TBC1D2: variants seen among roughly 807,000 people sequenced by gnomAD.
TBC1D2 encodes the protein TBC1 domain family member 2A.
TBC1D2 carries 58 observed loss-of-function variants against 91.1 expected under a neutral mutation model. That is an observed-to-expected ratio of 0.64 (90% CI 0.52 to 0.79). TBC1D2 has a LOEUF of 0.79. Among genes scored for constraint, TBC1D2 ranks in the 30% least tolerant of loss-of-function variants. The pLI is 0.00. For synonymous variants in TBC1D2, 482 were observed against 511.5 expected (o/e 0.94, Z 0.78); for missense variants, 1,080 against 1,208.3 (o/e 0.89, Z 1.57).
In TBC1D2 at chr9:98,228,631, A is replaced by C. The variant is rs564422372; in HGVS notation, c.978+321T>G. Among the ~76,000 whole-genome samples the C allele has an allele frequency of 7.3e-4, 111 of 152,246 alleles. No individual in the cohort carries two copies. Among genetic ancestry groups the C allele is most frequent in the African/African-American group, 2.6e-3 (106 of 41,540 alleles). ...CAGCCCCTCCCATGACCCTGCATCC[A>C]GATCACCTGCCTCTAAATAATGTCA... On this transcript the variant is annotated intron_variant, in intron 5 of 12. Coordinates refer to ENST00000465784, the MANE Select transcript of TBC1D2 (RefSeq NM_001267571.2). This position sits in a 1 kb window ranked among gnomAD's most constrained non-coding sequence, Gnocchi z 4.0.
Position 98,221,151 on chromosome 9 carries a change from C to A in TBC1D2, c.1056G>T (p.Ala352=), listed in dbSNP as rs1258099806. The A allele has an allele frequency of 6.3e-7, 1 of 1,577,304 alleles. No individual in the cohort carries two copies. Residue 352 remains alanine (A), a synonymous_variant, in exon 6 of 13, where the codon GCG becomes GCT. Coordinates refer to ENST00000465784, the MANE Select transcript of TBC1D2 (RefSeq NM_001267571.2). ...EKRASSAYLA[A]AEDKDRLELV... is the part of the protein sequence containing the mutation. Reference sequence around the variant, plus strand: ...GCTCCAGCCGGTCCTTGTCCTCAGCCGCCGCCAGGTATGCGCTGGACGCCC... The same window carrying A: ...GCTCCAGCCGGTCCTTGTCCTCAGCAGCCGCCAGGTATGCGCTGGACGCCC...
chr9:98,235,202 T>G, intron 3 of TBC1D2: 1 of 284,284 alleles, frequency 3.5e-6, no homozygotes, highest in Non-Finnish European at 7.0e-6. Flanking sequence ...AGACTCCATT[T>G]CAAAAAAAAA....
intron 1 of TBC1D2, among the ~76,000 whole-genome samples, chr9:98,253,046 T>C (rs905478214): frequency 6.6e-6 from 1 of 152,186 alleles, no homozygotes; most frequent in Non-Finnish European, 1.5e-5. Context: ...ATGACCTTAA[T>C]GCTGATGAGC....
chr9:98,255,441 G>A lies in TBC1D2; in HGVS notation c.101C>T (p.Ser34Leu). The A allele has an allele frequency of 6.2e-7, 1 of 1,606,256 alleles. No homozygotes were observed. The highest frequency in any genetic ancestry group is 8.5e-7 in the Non-Finnish European group (1 of 1,174,792). The change falls in exon 1 of 13, where the codon TCG (serine) becomes TTG (leucine). Residue 34 changes from serine (S) to leucine (L), a missense_variant. Transcript: ENST00000465784. ...CTCCAGGGACCGGGCGCAGTCCCCC[G>A]ATTCTTCCTCCGGAGGCGGCACCTG... The part of the protein sequence containing the change: ...DPQVPPPEEE[S>L]GDCARSLEAV...
intron 4 of TBC1D2, among the ~76,000 whole-genome samples, chr9:98,232,231 C>T (rs1236612803): frequency 1.3e-5 from 2 of 152,002 alleles, no homozygotes; most frequent in Non-Finnish European, 2.9e-5. Flanking sequence ...GATGGTGACT[C>T]ATCCGATATA....
intron 5 of TBC1D2, among the ~76,000 whole-genome samples, chr9:98,224,579 G>A (rs1014458296): frequency 8.5e-5 from 13 of 152,070 alleles, no homozygotes; most frequent in African/African-American, 2.9e-4. Flanking sequence ...CACCATGCCC[G>A]GCCCAAGTGG....
rs751064030 is a variant in TBC1D2 at position 98,209,138 on chromosome 9, A to G, written c.1680T>C (p.Tyr560=). The G allele has an allele frequency of 6.2e-7, 1 of 1,607,168 alleles. No individual in the cohort carries two copies. Among genetic ancestry groups the G allele is most frequent in the Non-Finnish European group, 8.5e-7 (1 of 1,174,156 alleles). The change falls in exon 9 of 13, where the codon TAT becomes TAC. Residue 560 remains tyrosine, a synonymous_variant. Coordinates refer to ENST00000465784, the MANE Select transcript of TBC1D2 (RefSeq NM_001267571.2). The stretch of plus-strand genomic sequence containing the variant: ...GCACCGTCAGGAAGCCGTACTCATC[A>G]TACTTACTGCCAGCAAAAGTGCACG... The part of the protein sequence containing the change: ...DSIELSPISK[Y]DEYGFLTVPD...
At chr9:98,226,110 C>T (rs898568744) in intron 5 of TBC1D2, among the ~76,000 whole-genome samples, 2 of 152,236 alleles carry the variant, frequency 1.3e-5, no homozygotes, top group Admixed American at 6.5e-5. Context: ...GGGGGCACCA[C>T]TGGGCACCCA....
chr9:98,245,488 G>A (rs10985583), intron 2 of TBC1D2, among the ~76,000 whole-genome samples: 20,541 of 151,802 alleles, frequency 0.14, 1,707 homozygotes, highest in Non-Finnish European at 0.18. Flanking sequence ...GATCACTTGA[G>A]CCCAGGAGGT....
intron 6 of TBC1D2, 59 bp from the exon 7 acceptor site, chr9:98,213,277 G>A: frequency 6.2e-7 from 1 of 1,601,136 alleles, no homozygotes; most frequent in Non-Finnish European, 8.5e-7. Flanking sequence ...TGGTCCTGGG[G>A]AGTCACACCC....
intron 3 of TBC1D2, among the ~76,000 whole-genome samples, chr9:98,233,832 C>T (rs550764805): frequency 5.3e-5 from 8 of 152,310 alleles, no homozygotes; most frequent in African/African-American, 1.9e-4. Context: ...AATATAAATG[C>T]CATGAGGCGG....
At chr9:98,243,599 C>T (rs1046897440) in intron 3 of TBC1D2, among the ~76,000 whole-genome samples, 12 of 145,758 alleles carry the variant, frequency 8.2e-5, no homozygotes, top group Non-Finnish European at 1.5e-4. Context: ...TGCAATGGTG[C>T]AATCTCGGCT....
In TBC1D2 at chr9:98,241,163, C is replaced by T. The variant is rs113263694; in HGVS notation, c.647+2831G>A. Among the ~76,000 whole-genome samples the T allele has an allele frequency of 6.7e-3, 1,023 of 152,280 alleles. 9 individuals are homozygous for T. The highest frequency in any genetic ancestry group is 0.023 in the African/African-American group (947 of 41,540). ...CCAATGAAGTAAATACTATTCTCAC[C>T]CTCATTGGACAGAGAGAACTGAGAT... is the stretch of plus-strand genomic sequence containing the variant. On this transcript the variant is annotated intron_variant, in intron 3 of 12. Transcript: ENST00000465784.
At chr9:98,202,250 C>G (rs1242226426) in intron 10 of TBC1D2, among the ~76,000 whole-genome samples, 2 of 152,228 alleles carry the variant, frequency 1.3e-5, no homozygotes, top group Non-Finnish European at 2.9e-5. Context: ...GTGACCTCTT[C>G]TTGTGACCAC....
intron 3 of TBC1D2, among the ~76,000 whole-genome samples, chr9:98,237,570 G>A (rs1240605214): frequency 1.4e-5 from 2 of 147,012 alleles, no homozygotes; most frequent in East Asian, 4.3e-4. Flanking sequence ...GCAGTGGCAC[G>A]ATCTCGGCTC....
chr9:98,223,837 G>A (rs1407696722), intron 5 of TBC1D2, among the ~76,000 whole-genome samples: 1 of 152,218 alleles, frequency 6.6e-6, no homozygotes, highest in Admixed American at 6.5e-5. Context: ...GTAAGATGAG[G>A]AGTGAGAATG....
chr9:98,230,845 C>T (rs1422325324), intron 4 of TBC1D2, among the ~76,000 whole-genome samples: 1 of 152,144 alleles, frequency 6.6e-6, no homozygotes, highest in Non-Finnish European at 1.5e-5. Context: ...CATGCCAGTG[C>T]GCTTTAGCCT....
chr9:98,200,600 T>C (rs1828469824), intron 11 of TBC1D2, among the ~76,000 whole-genome samples: 1 of 152,164 alleles, frequency 6.6e-6, no homozygotes, highest in African/African-American at 2.4e-5. Flanking sequence ...GCTTGAAATC[T>C]GGGGATTTGG....
Position 98,210,642 on chromosome 9 carries a change from G to C in TBC1D2, c.1673+14C>G. On this transcript the variant is annotated intron_variant, in intron 8 of 12. Transcript: ENST00000465784. ...GCTCACATAGACCAGCCCTTCCTGG[G>C]CCGCCAGGCTCACCTGATGGGGCTC... 1 of 1,566,078 alleles carries C rather than the reference G, an allele frequency of 6.4e-7. No individual in the cohort carries two copies. Among genetic ancestry groups the C allele is most frequent in the South Asian group, 1.2e-5 (1 of 85,592 alleles).
Sources: gnomAD v4.1 joint callset for allele counts (sites outside exome capture counted in the v4.1 genomes callset) on GRCh38, gnomAD v4.1.1 for gene constraint, Gnocchi (gnomAD v3.1) non-coding constraint, MANE v1.5 for transcripts, NCBI Gene and HGNC (gene_info 2026-07-23, HGNC 2026-07-21) for gene names.